KIAA1958: variants seen among roughly 807,000 people sequenced by gnomAD.
The protein encoded by KIAA1958 is KIAA1958, also known as uncharacterized protein KIAA1958.
KIAA1958 carries 14 observed loss-of-function variants against 47.2 expected under a neutral mutation model. That is an observed-to-expected ratio of 0.30 (90% CI 0.20 to 0.46). The LOEUF (loss-of-function observed/expected upper bound fraction) is 0.46. Ranked by LOEUF, KIAA1958 falls within the 20% of genes least tolerant of loss-of-function variation. The pLI, the probability that KIAA1958 is intolerant of heterozygous loss-of-function variation, is 1.00. For missense variants in KIAA1958, 803 were observed against 909.2 expected, an observed-to-expected ratio of 0.88 and a Z score of 1.50; for synonymous variants, 354 against 353.3, an observed-to-expected ratio of 1.00 and a Z score of -0.02.
At position 112,661,965 on chromosome 9, in the gene KIAA1958, AT is replaced by A. The variant is rs1837284913; in HGVS notation, c.*1898del. 1 of 152,222 alleles carries A rather than the reference AT, an allele frequency of 6.6e-6. No homozygotes were observed. The highest frequency in any genetic ancestry group is 1.5e-5 in the Non-Finnish European group (1 of 68,044). The allele number at this position is 152,222 out of a possible 1,614,324, so 9.4% of individuals were successfully genotyped here. A position where few individuals can be genotyped will look rare whatever the true frequency, so the allele number is the denominator to read the frequency against. The stretch of plus-strand genomic sequence containing the variant: ...AACTGAAATACAACCTATGTGAACT[AT>A]TGGGCAAAGCCTGCAGCCTAATTAA... On this transcript the variant is annotated 3_prime_UTR_variant, in exon 4 of 4. Transcript: ENST00000337530.
rs1588059126 is a variant in KIAA1958 at position 112,663,246 on chromosome 9, A to C, written c.*3177A>C. 1 of 147,808 alleles carries C rather than the reference A, an allele frequency of 6.8e-6. No individual in the cohort carries two copies. The highest frequency in any genetic ancestry group is 1.5e-5 in the Non-Finnish European group (1 of 67,096). 9.2% of individuals were successfully genotyped at this position (147,808 alleles called of 1,614,324 possible). ...GCCCTACTTTCTGTCTATCCCCCCC[A>C]CCGCCGGCCCCCGGAATCTAAGCAG... On this transcript the variant is annotated 3_prime_UTR_variant, in exon 4 of 4. Transcript: ENST00000337530.
chr9:112,581,196 A>G (rs1332272588), intron 2 of KIAA1958, among the ~76,000 whole-genome samples: 1 of 152,196 alleles, frequency 6.6e-6, no homozygotes, highest in Non-Finnish European at 1.5e-5. Context: ...TCATTTGTAA[A>G]GTAATGATAA....
At position 112,659,699 on chromosome 9, in the gene KIAA1958, A is replaced by G. The variant is rs1837229759; in HGVS notation, c.1781A>G (p.Tyr594Cys). 2 of 1,614,162 alleles carry G rather than the reference A, an allele frequency of 1.2e-6. No homozygotes were observed. The highest frequency in any genetic ancestry group is 1.7e-6 in the Non-Finnish European group (2 of 1,180,036). The change falls in exon 4 of 4, where the codon TAC becomes TGC. Residue 594 changes from tyrosine (Y) to cysteine (C), a missense_variant. By Grantham distance (194) the Tyr-to-Cys change is radical. Around this residue, in one of 2 missense-constraint regions of KIAA1958, gnomAD observed 761 missense variants for 829.3 expected, o/e 0.92. Coordinates refer to ENST00000337530, the MANE Select transcript of KIAA1958 (RefSeq NM_133465.4). The part of the protein sequence containing the change: ...ELLKDPQNQP[Y>C]FARTDSVKRE... ...CTCAAAGACCCCCAAAACCAGCCCT[A>G]CTTTGCCCGGACGGACAGCGTCAAG...
At chr9:112,578,775 C>T (rs1355355937) in intron 2 of KIAA1958, among the ~76,000 whole-genome samples, 1 of 152,098 alleles carries the variant, frequency 6.6e-6, no homozygotes, top group African/African-American at 2.4e-5. Flanking sequence ...TGACTACCTA[C>T]TAGTAGCTTG....
chr9:112,487,999 G>A (rs564937314), intron 1 of KIAA1958, among the ~76,000 whole-genome samples: 1 of 150,060 alleles, frequency 6.7e-6, no homozygotes, highest in Admixed American at 6.7e-5. Context: ...GTAAAGTTTT[G>A]TTTTTTCCCG....
chr9:112,554,380 C>T (rs926351002), intron 1 of KIAA1958, among the ~76,000 whole-genome samples: 5 of 152,042 alleles, frequency 3.3e-5, no homozygotes, highest in Non-Finnish European at 5.9e-5. Flanking sequence ...CGCCTGTAAT[C>T]CCAGCTACTC....
At position 112,618,925 on chromosome 9, in the gene KIAA1958, CTTGAGCAAGACTCCAGT is replaced by C. The variant is rs562542332; in HGVS notation, c.1172-26721_1172-26705del. 1.3e-3 allele frequency: 1,947 copies of C among 1,515,804 alleles called. 7 individuals carry two copies. The highest frequency in any genetic ancestry group is 1.7e-3 in the Non-Finnish European group (1,873 of 1,124,506). The allele number at this position is 1,515,804 out of a possible 1,614,324, so 93.9% of individuals were successfully genotyped here. On this transcript the variant is annotated intron_variant, in intron 2 of 3. Coordinates refer to ENST00000337530, the MANE Select transcript of KIAA1958 (RefSeq NM_133465.4). The surrounding 1 kb of genome is among the most constrained non-coding windows in gnomAD (Gnocchi z 7.1). ...CCTCAGACACCGCTTGACCAGGTGG[CTTGAGCAAGACTCCAGT>C]TTGGTTACTGTGTCCGGAGAAACTG... is the stretch of plus-strand genomic sequence containing the variant.
chr9:112,639,688 A>G (rs1337941029), intron 2 of KIAA1958, among the ~76,000 whole-genome samples: 1 of 152,112 alleles, frequency 6.6e-6, no homozygotes, highest in East Asian at 1.9e-4. Flanking sequence ...TTGCCCCCAT[A>G]GTGTAAGATA....
At chr9:112,605,239 T>A (rs1836208917) in intron 2 of KIAA1958, among the ~76,000 whole-genome samples, 1 of 152,034 alleles carries the variant, frequency 6.6e-6, no homozygotes, top group Non-Finnish European at 1.5e-5. Flanking sequence ...TGCTGTTTCC[T>A]GGTTCTTTAA....
chr9:112,595,770 TG>T (rs1383399995), intron 2 of KIAA1958, among the ~76,000 whole-genome samples: 1 of 151,906 alleles, frequency 6.6e-6, no homozygotes, highest in Non-Finnish European at 1.5e-5. Context: ...ATACATATTC[TG>T]GGGCTGTTGT....
chr9:112,657,480 A>G (rs1056532058), intron 3 of KIAA1958, among the ~76,000 whole-genome samples: 3 of 152,180 alleles, frequency 2.0e-5, no homozygotes, highest in African/African-American at 7.2e-5. Flanking sequence ...TTTTCTAACA[A>G]TGTCATTCAA....
At chr9:112,595,911 G>A (rs528368506) in intron 2 of KIAA1958, among the ~76,000 whole-genome samples, 8 of 151,538 alleles carry the variant, frequency 5.3e-5, no homozygotes, top group Non-Finnish European at 7.4e-5. Context: ...TCAGCCTCCC[G>A]AGTAGCTGGG....
In KIAA1958 at chr9:112,645,772, C is replaced by T. The variant is rs555682621; in HGVS notation, c.1294C>T (p.Arg432Cys). The change falls in exon 3 of 4, where the codon CGT becomes TGT. Residue 432 changes from arginine (R) to cysteine (C), a missense_variant. Physicochemically the swap from Arg to Cys is radical, Grantham distance 180. Transcript: ENST00000337530. ...CACGCGGTACGCCTTGAATGTGTGG[C>T]GTTATTGGTGCATGACCAACGGGCT... ...KATRYALNVW[R>C]YWCMTNGLKD... is the part of the protein sequence containing the mutation. 10 of 1,613,944 alleles carry T rather than the reference C, an allele frequency of 6.2e-6. No individual in the cohort carries two copies. Among genetic ancestry groups the T allele is most frequent in the African/African-American group, 1.3e-5 (1 of 74,908 alleles).
intron 2 of KIAA1958, among the ~76,000 whole-genome samples, chr9:112,625,036 C>T (rs77976932): frequency 6.6e-5 from 10 of 152,228 alleles, no homozygotes; most frequent in African/African-American, 1.9e-4. Flanking sequence ...CCCCTCCCCT[C>T]CTTTGAGACT....
chr9:112,580,318 G>C (rs2131179930), intron 2 of KIAA1958, among the ~76,000 whole-genome samples: 1 of 152,156 alleles, frequency 6.6e-6, no homozygotes, highest in African/African-American at 2.4e-5. Context: ...GATAAGAAGA[G>C]TTGTTACGTG....
chr9:112,490,815 A>C (rs1266114470), intron 1 of KIAA1958, among the ~76,000 whole-genome samples: 1 of 152,214 alleles, frequency 6.6e-6, no homozygotes, highest in African/African-American at 2.4e-5. Context: ...TAATGGCTCT[A>C]GTGACAAAGA....
chr9:112,530,030 A>G (rs1834727507), intron 1 of KIAA1958, among the ~76,000 whole-genome samples: 1 of 151,880 alleles, frequency 6.6e-6, no homozygotes, highest in Non-Finnish European at 1.5e-5. Context: ...TTTTTAGTGG[A>G]GACAGGGTTT....
At chr9:112,490,748 T>G (rs1833954161) in intron 1 of KIAA1958, among the ~76,000 whole-genome samples, 1 of 152,244 alleles carries the variant, frequency 6.6e-6, no homozygotes, top group Non-Finnish European at 1.5e-5. Flanking sequence ...TTTTGCAAAG[T>G]CTTACACTTA....
rs80204257 is a variant in KIAA1958 at position 112,643,107 on chromosome 9, T to C, written c.1172-2543T>C. 4.5e-3 allele frequency among the ~76,000 whole-genome samples: 687 copies of C among 152,350 alleles called. 6 individuals carry two copies. The highest frequency in any genetic ancestry group is 0.016 in the African/African-American group (650 of 41,578). ...TTATTGAAGGTTCATCTGAGTACAT[T>C]TGGGGGACCAAGGCATTTTTTCATA... On this transcript the variant is annotated intron_variant, in intron 2 of 3. Transcript: ENST00000337530.
Sources: gnomAD v4.1 joint callset for allele counts (sites outside exome capture counted in the v4.1 genomes callset) on GRCh38, gnomAD v4.1.1 for gene constraint, gnomAD v4.1.1 regional missense constraint, Gnocchi (gnomAD v3.1) non-coding constraint, MANE v1.5 for transcripts, NCBI Gene and HGNC (gene_info 2026-07-23, HGNC 2026-07-21) for gene names.